Variants in CHRNA2 observed in about 807,000 individuals in gnomAD.
CHRNA2 encodes the protein neuronal acetylcholine receptor subunit alpha-2.
CHRNA2 carries 40 observed loss-of-function variants against 45.5 expected under a neutral mutation model. The observed-to-expected ratio is 0.88, with a 90% CI of 0.68 to 1.15. CHRNA2 has a LOEUF of 1.15. Among genes scored for constraint, CHRNA2 ranks in the 50% most tolerant of loss-of-function variants. The pLI is 0.00. For missense variants in CHRNA2, 655 were observed against 701.7 expected (o/e 0.93, Z 0.75); for synonymous variants, 301 against 296.7 (o/e 1.01, Z -0.15).
At chr8:27,466,358 T>TAA (rs1412314546) in intron 5 of CHRNA2, among the ~76,000 whole-genome samples, 1 of 152,226 alleles carries the variant, frequency 6.6e-6, no homozygotes, top group African/African-American at 2.4e-5. Flanking sequence ...AATGCTGGGC[T>TAA]AGGTGGGTGT....
intron 5 of CHRNA2, among the ~76,000 whole-genome samples, chr8:27,466,897 C>G (rs1474948462): frequency 6.6e-6 from 1 of 152,210 alleles, no homozygotes; most frequent in Non-Finnish European, 1.5e-5. Context: ...AACAACACTG[C>G]CACCCCTCAC....
At position 27,464,003 on chromosome 8, in the gene CHRNA2, G is replaced by C. The variant is rs1381436379; in HGVS notation, c.450-10C>G. 1 of 1,614,062 alleles carries C rather than the reference G, an allele frequency of 6.2e-7. No homozygotes were observed. Among genetic ancestry groups the C allele is most frequent in the Admixed American group, 1.7e-5 (1 of 60,022 alleles). On this transcript the variant is annotated splice_polypyrimidine_tract_variant and intron_variant, in intron 5 of 6. Coordinates refer to ENST00000407991, the MANE Select transcript of CHRNA2 (RefSeq NM_000742.4). ...AAACTCCCCATCTGCACTGAGAAGA[G>C]GAGAGGAGCTGGGGAGACCCCTGCA... is the stretch of plus-strand genomic sequence containing the variant.
At chr8:27,469,244 T>A (rs1812790517) in intron 4 of CHRNA2, 91 bp downstream of exon 4, 1 of 1,262,280 alleles carries the variant, frequency 7.9e-7, no homozygotes, top group African/African-American at 1.5e-5. Context: ...TGCTGTTCCT[T>A]GGTCTTTCAC....
At position 27,479,248 on chromosome 8, in the gene CHRNA2, T is replaced by A. The variant is rs111661898; in HGVS notation, c.-561A>T. ...AGGCTCACGCTGTTCTCTCTCTCTC[T>A]CACACACACACACACATACACACAC... is the stretch of plus-strand genomic sequence containing the variant. On this transcript the variant is annotated 5_prime_UTR_variant, in exon 1 of 7. Transcript: ENST00000407991. 9,186 of 144,926 alleles carry A rather than the reference T, an allele frequency of 0.063. 827 individuals carry two copies. The highest frequency in any genetic ancestry group is 0.21 in the African/African-American group (8,282 of 40,024). 9.0% of individuals were successfully genotyped at this position (144,926 alleles called of 1,614,324 possible).
chr8:27,469,088 A>T (rs904105312), intron 4 of CHRNA2, among the ~76,000 whole-genome samples: 3 of 152,192 alleles, frequency 2.0e-5, no homozygotes, highest in Admixed American at 2.0e-4. Context: ...GTTCCCAGGA[A>T]AGCACCACTT....
Position 27,461,615 on chromosome 8 carries a change from C to T in CHRNA2, c.*14G>A, listed in dbSNP as rs779112876. The T allele has an allele frequency of 1.7e-5, 28 of 1,614,080 alleles. No individual in the cohort carries two copies. The highest frequency in any genetic ancestry group is 1.7e-4 in the Middle Eastern group (1 of 6,060). On this transcript the variant is annotated 3_prime_UTR_variant, in exon 7 of 7. Transcript: ENST00000407991. The stretch of plus-strand genomic sequence containing the variant: ...AGCGGGGGTGCCCTGGGAGCCAGCT[C>T]GAGGGAGGTGCAGTCAGATCATTCC...
chr8:27,461,702 CA>C lies in CHRNA2; in HGVS notation c.1516del (p.Trp506GlyfsTer20). ...VAMVIDRIFL[W>X]LFIIVCFLGT... is the part of the protein sequence containing the mutation. ...CAGGAAGCAGACGATGATAAACAGC[CA>C]GAGGAAGATCCTGTCGATGACCATG... is the stretch of plus-strand genomic sequence containing the variant. On this transcript the variant is annotated frameshift_variant, in exon 7 of 7. Transcript: ENST00000407991. LOFTEE classifies it high-confidence loss of function. 1 of 1,614,224 alleles carries C rather than the reference CA, an allele frequency of 6.2e-7. No homozygotes were observed. Among genetic ancestry groups the C allele is most frequent in the Non-Finnish European group, 8.5e-7 (1 of 1,180,040 alleles).
intron 4 of CHRNA2, chr8:27,467,624 G>C: frequency 2.4e-6 from 1 of 414,172 alleles, no homozygotes; most frequent in South Asian, 3.0e-5. Context: ...CTGGCTGGAC[G>C]ACCTTGGTGG....
chr8:27,468,537 T>A (rs1213144328), intron 4 of CHRNA2, among the ~76,000 whole-genome samples: 1 of 152,208 alleles, frequency 6.6e-6, no homozygotes, highest in African/African-American at 2.4e-5. Context: ...TCCCTGTCTC[T>A]TGGGACTCTC....
intron 1 of CHRNA2, among the ~76,000 whole-genome samples, chr8:27,472,487 TG>T (rs747446230): frequency 6.6e-6 from 1 of 152,152 alleles, no homozygotes; most frequent in Non-Finnish European, 1.5e-5. Context: ...CCCACATCTT[TG>T]GGGGGTCACA....
chr8:27,464,699 G>T (rs568672203), intron 5 of CHRNA2, among the ~76,000 whole-genome samples: 1 of 144,460 alleles, frequency 6.9e-6, no homozygotes, highest in South Asian at 2.1e-4. Flanking sequence ...TTAGGAGGGC[G>T]ATCCCTTTCC....
rs555088381 is a variant in CHRNA2 at position 27,461,497 on chromosome 8, C to G, written c.*132G>C. 2 of 1,271,808 alleles carry G rather than the reference C, an allele frequency of 1.6e-6. No homozygotes were observed. Among genetic ancestry groups the G allele is most frequent in the East Asian group, 2.4e-5 (1 of 42,104 alleles). 78.8% of individuals were successfully genotyped at this position (1,271,808 alleles called of 1,614,324 possible). On this transcript the variant is annotated 3_prime_UTR_variant, in exon 7 of 7. Transcript: ENST00000407991. ...TTAAGCTGGATGGAAGCCTGCAATC[C>G]CTGGGTCAGTGTCCAGACTCCGCGG...
intron 6 of CHRNA2, among the ~76,000 whole-genome samples, chr8:27,462,406 A>G (rs931671115): frequency 5.3e-5 from 8 of 151,878 alleles, no homozygotes; most frequent in African/African-American, 1.9e-4. Flanking sequence ...TCAATGGCAG[A>G]CAGGAGCTGG....
Position 27,461,648 on chromosome 8 carries a change from A to G in CHRNA2, c.1571T>C (p.Phe524Ser). Residue 524 changes from phenylalanine to serine, a missense_variant, in exon 7 of 7, where the codon TTC becomes TCC. Around this residue, in one of 3 missense-constraint regions of CHRNA2, gnomAD observed 295 missense variants for 280.4 expected, o/e 1.05. Transcript: ENST00000407991. ...GTGCAGTCAGATCATTCCAGCTAGG[A>G]ACGGAGGCAGAAAGAGGCCGATGGT... ...LGTIGLFLPP[F>S]LAGMI The G allele has an allele frequency of 1.2e-6, 2 of 1,614,242 alleles. No homozygotes were observed. Among genetic ancestry groups the G allele is most frequent in the Admixed American group, 1.7e-5 (1 of 60,030 alleles).
At chr8:27,472,287 G>A (rs1248580702) in intron 1 of CHRNA2, among the ~76,000 whole-genome samples, 2 of 152,222 alleles carry the variant, frequency 1.3e-5, no homozygotes, top group Non-Finnish European at 2.9e-5. Flanking sequence ...TAGCCAGTGG[G>A]TTAGAAGCAC....
At chr8:27,478,643 G>A (rs1813133345) in intron 1 of CHRNA2, among the ~76,000 whole-genome samples, 181 bp downstream of exon 1, 1 of 152,190 alleles carries the variant, frequency 6.6e-6, no homozygotes, top group African/African-American at 2.4e-5. Context: ...TCACCTGGCT[G>A]TGGACAGCTC....
At chr8:27,474,489 G>A (rs1372824211) in intron 1 of CHRNA2, among the ~76,000 whole-genome samples, 1 of 152,174 alleles carries the variant, frequency 6.6e-6, no homozygotes, top group African/African-American at 2.4e-5. Flanking sequence ...GAGGTTCCCG[G>A]TTCCTTCCTG....
In CHRNA2 at chr8:27,463,368, T is replaced by A; in HGVS notation, c.1075A>T (p.Thr359Ser). The stretch of plus-strand genomic sequence containing the variant: ...CGCACCCAGTGGGGCATGGTGTGGG[T>A]GCTGGGGGAGCGGTGGTGCACATTG... The part of the protein sequence containing the change: ...VLNVHHRSPS[T>S]HTMPHWVRGA... The change falls in exon 6 of 7, where the codon ACC becomes TCC. Residue 359 changes from threonine (T) to serine (S), a missense_variant. Physicochemically the swap from Thr to Ser is moderately conservative, Grantham distance 58 (BLOSUM62 1). Around this residue, in one of 3 missense-constraint regions of CHRNA2, gnomAD observed 295 missense variants for 280.4 expected, o/e 1.05. Coordinates refer to ENST00000407991, the MANE Select transcript of CHRNA2 (RefSeq NM_000742.4). This position sits in a 1 kb window ranked among gnomAD's most constrained non-coding sequence, Gnocchi z 6.1. 1 of 1,613,970 alleles carries A rather than the reference T, an allele frequency of 6.2e-7. No homozygotes were observed. Among genetic ancestry groups the A allele is most frequent in the Non-Finnish European group, 8.5e-7 (1 of 1,180,010 alleles).
intron 1 of CHRNA2, among the ~76,000 whole-genome samples, chr8:27,473,952 C>G (rs947098193): frequency 1.3e-5 from 2 of 152,202 alleles, no homozygotes; most frequent in Non-Finnish European, 2.9e-5. Flanking sequence ...GCTTTGAGTC[C>G]TGGCCCCACC....
Sources: allele counts gnomAD v4.1 joint callset (sites outside exome capture counted in the v4.1 genomes callset), GRCh38; gene constraint gnomAD v4.1.1; regional missense constraint gnomAD v4.1.1; non-coding constraint Gnocchi (gnomAD v3.1); transcripts MANE v1.5; gene names NCBI Gene and HGNC (gene_info 2026-07-23, HGNC 2026-07-21).